The following IQCH variants were observed in gnomAD, a reference collection of about 807,000 sequenced individuals.
The protein encoded by IQCH is IQ domain-containing protein H.
A neutral mutation model predicts 117.0 loss-of-function variants in IQCH; 98 were observed. That is an observed-to-expected ratio of 0.84 (90% CI 0.71 to 0.99). The LOEUF (loss-of-function observed/expected upper bound fraction) is 0.99. Ranked by LOEUF, IQCH falls within the 50% of genes least tolerant of loss-of-function variation. IQCH has a pLI of 0.00. For missense variants in IQCH, 1,102 were observed against 1,243.8 expected (o/e 0.89, Z 1.72); for synonymous variants, 412 against 448.2 (o/e 0.92, Z 1.02).
In IQCH at chr15:67,261,344, G is replaced by T; in HGVS notation, c.124G>T (p.Asp42Tyr). The T allele has an allele frequency of 6.3e-7, 1 of 1,589,814 alleles. No homozygotes were observed. Among genetic ancestry groups the T allele is most frequent in the South Asian group, 1.2e-5 (1 of 86,786 alleles). Residue 42 changes from aspartate to tyrosine, a missense_variant, in exon 2 of 21, where the codon GAC (aspartate) becomes TAC (tyrosine). Physicochemically the swap from Asp to Tyr is radical, Grantham distance 160. This residue lies in a region of IQCH where 452 missense variants were observed against 449.6 expected (regional missense o/e 1.01). Transcript: ENST00000335894. ...FSPEEKGETL[D>Y]IQSLETAIKR... ...ACCTGAGGAAAAAGGAGAGACTCTA[G>T]ACATTCAGAGTCTTGAAACAGCAAT...
chr15:67,255,035 C>A, intron 1 of IQCH, 88 bp downstream of exon 1: 1 of 1,309,112 alleles, frequency 7.6e-7, no homozygotes, highest in South Asian at 1.2e-5. Context: ...GACGCTCACC[C>A]ATTTGGTGCG....
chr15:67,498,004 A>G (rs988067102), intron 20 of IQCH, among the ~76,000 whole-genome samples: 2 of 152,200 alleles, frequency 1.3e-5, no homozygotes, highest in Non-Finnish European at 2.9e-5. Flanking sequence ...AATTGACAAG[A>G]TGATCCTAAA....
intron 4 of IQCH, among the ~76,000 whole-genome samples, chr15:67,317,794 G>A (rs1967919583): frequency 6.9e-6 from 1 of 145,410 alleles, no homozygotes. Context: ...GAAGGATTCT[G>A]TAGAGAAGTG....
At position 67,436,117 on chromosome 15, in the gene IQCH, T is replaced by C. The variant is rs2082131098; in HGVS notation, c.2505+14540T>C. Among the ~76,000 whole-genome samples the C allele has an allele frequency of 6.6e-6, 1 of 152,146 alleles. No homozygotes were observed. The highest frequency in any genetic ancestry group is 1.5e-5 in the Non-Finnish European group (1 of 68,032). On this transcript the variant is annotated intron_variant, in intron 16 of 20. Transcript: ENST00000335894. This position sits in a 1 kb window ranked among gnomAD's most constrained non-coding sequence, Gnocchi z 5.1. The stretch of plus-strand genomic sequence containing the variant: ...CACTGGTTGCTTCTCTCATTGATCA[T>C]GTCCACAAGACTCTCCAGAACACAC...
At chr15:67,269,704 T>G (rs1345418241) in intron 3 of IQCH, among the ~76,000 whole-genome samples, 3 of 151,636 alleles carry the variant, frequency 2.0e-5, no homozygotes, top group Non-Finnish European at 2.9e-5. Flanking sequence ...ATCCACTTTT[T>G]TTTTTTTAGC....
intron 1 of IQCH, among the ~76,000 whole-genome samples, chr15:67,258,786 G>A (rs1965339554): frequency 1.3e-5 from 2 of 152,104 alleles, no homozygotes; most frequent in Non-Finnish European, 2.9e-5. Flanking sequence ...AAAACAAGGT[G>A]TTTGATGATC....
chr15:67,361,310 A>G lies in IQCH; in HGVS notation c.753+1425A>G, dbSNP rs531866622. On this transcript the variant is annotated intron_variant, in intron 8 of 20. Transcript: ENST00000335894. ...ATATACTGAGTGCTTACTCTTTGCC[A>G]GGCTCTGTTCCTAATGTCTTAAGTG... Among the ~76,000 whole-genome samples, 5 of 152,326 alleles carry G rather than the reference A, an allele frequency of 3.3e-5. No homozygotes were observed. The South Asian group carries it at 8.3e-4, about 25-fold the overall frequency.
intron 6 of IQCH, among the ~76,000 whole-genome samples, chr15:67,345,663 C>T (rs150282163): frequency 2.2e-4 from 33 of 152,256 alleles, no homozygotes; most frequent in South Asian, 6.2e-4. Flanking sequence ...AATACTGTCA[C>T]GGTCATGAAA....
rs554366827 is a variant in IQCH, at chr15:67,424,604, A to T, written c.2505+3027A>T. Among the ~76,000 whole-genome samples, 5 of 152,320 alleles carry T rather than the reference A, an allele frequency of 3.3e-5. No individual in the cohort carries two copies. Among genetic ancestry groups the T allele is most frequent in the Non-Finnish European group, 7.4e-5 (5 of 68,024 alleles). ...TAAATATTTGTTGACTGAATGAATG[A>T]ACAATGGAGGAGTTCTAGCAGATGC... On this transcript the variant is annotated intron_variant, in intron 16 of 20. Coordinates refer to ENST00000335894, the MANE Select transcript of IQCH (RefSeq NM_001031715.3). The surrounding 1 kb of genome is among the most constrained non-coding windows in gnomAD (Gnocchi z 4.9).
chr15:67,442,863 GATAT>G (rs1249237154), intron 16 of IQCH, among the ~76,000 whole-genome samples: 2 of 115,936 alleles, frequency 1.7e-5, no homozygotes, highest in Non-Finnish European at 3.6e-5. Flanking sequence ...TAGATAGATA[GATAT>G]ACATATATAT....
Position 67,493,420 on chromosome 15 carries a change from G to A in IQCH, c.2862-838G>A, listed in dbSNP as rs543532943. ...ACAGGATAGTTTGCAAGCTATCTCC[G>A]AAATCTTAAAGTGGATGTTCAGGTT... is the stretch of plus-strand genomic sequence containing the variant. On this transcript the variant is annotated intron_variant, in intron 19 of 20. Transcript: ENST00000335894. The surrounding 1 kb of genome is among the most constrained non-coding windows in gnomAD (Gnocchi z 5.1). 1.6e-4 allele frequency among the ~76,000 whole-genome samples: 25 copies of A among 152,230 alleles called. No homozygotes were observed. Among genetic ancestry groups the A allele is most frequent in the African/African-American group, 5.5e-4 (23 of 41,552 alleles).
Position 67,472,963 on chromosome 15 carries a change from AC to A in IQCH, c.2677-2732del, listed in dbSNP as rs1378772517. Among the ~76,000 whole-genome samples the A allele has an allele frequency of 6.6e-6, 1 of 152,202 alleles. No homozygotes were observed. Among genetic ancestry groups the A allele is most frequent in the African/African-American group, 2.4e-5 (1 of 41,448 alleles). ...CTTACATGTTGTCTAGTAATCATGT[AC>A]TACTGGACAGTAAGCTCTTCTGCTG... On this transcript the variant is annotated intron_variant, in intron 17 of 20. Coordinates refer to ENST00000335894, the MANE Select transcript of IQCH (RefSeq NM_001031715.3). The surrounding 1 kb of genome is among the most constrained non-coding windows in gnomAD (Gnocchi z 4.3).
chr15:67,320,116 A>G (rs1186836313), intron 4 of IQCH, among the ~76,000 whole-genome samples: 1 of 152,240 alleles, frequency 6.6e-6, no homozygotes, highest in African/African-American at 2.4e-5. Flanking sequence ...GGAGTCATTG[A>G]AGTAAAAGTC....
In IQCH at chr15:67,401,407, A is replaced by G. The variant is rs974999539; in HGVS notation, c.2097+1102A>G. Among the ~76,000 whole-genome samples the G allele has an allele frequency of 6.6e-6, 1 of 152,254 alleles. No individual in the cohort carries two copies. The highest frequency in any genetic ancestry group is 1.5e-5 in the Non-Finnish European group (1 of 68,050). ...TTTTGGCTGACCTGCTGGTTAAAGCATAACCGATTAGGAAAATCACAATGC... is the reference window on the plus strand; with the variant it reads ...TTTTGGCTGACCTGCTGGTTAAAGCGTAACCGATTAGGAAAATCACAATGC... On this transcript the variant is annotated intron_variant, in intron 14 of 20. Transcript: ENST00000335894. The surrounding 1 kb of genome is among the most constrained non-coding windows in gnomAD (Gnocchi z 4.7).
chr15:67,412,074 T>C (rs2081464427), intron 14 of IQCH, among the ~76,000 whole-genome samples: 1 of 152,202 alleles, frequency 6.6e-6, no homozygotes, highest in African/African-American at 2.4e-5. Flanking sequence ...CTGAAGTTTC[T>C]TCTGATGGGA....
chr15:67,465,432 G>A lies in IQCH; in HGVS notation c.2676+135G>A. 2.3e-6 allele frequency: 2 copies of A among 852,054 alleles called. No individual in the cohort carries two copies. Among genetic ancestry groups the A allele is most frequent in the Non-Finnish European group, 3.6e-6 (2 of 559,608 alleles). The allele number at this position is 852,054 out of a possible 1,614,324, so 52.8% of individuals were successfully genotyped here. On this transcript the variant is annotated intron_variant, in intron 17 of 20. Transcript: ENST00000335894. The surrounding 1 kb of genome is among the most constrained non-coding windows in gnomAD (Gnocchi z 5.9). ...CTAAGGCAAGTCATTGGACTTGTCTGAGCAGGGTCTGGAAATGCGAATGTG... is the reference window on the plus strand; with the variant it reads ...CTAAGGCAAGTCATTGGACTTGTCTAAGCAGGGTCTGGAAATGCGAATGTG...
At chr15:67,389,174 A>C (rs1024396499) in intron 12 of IQCH, among the ~76,000 whole-genome samples, 168 bp downstream of exon 12, 1 of 152,244 alleles carries the variant, frequency 6.6e-6, no homozygotes, top group Non-Finnish European at 1.5e-5. Context: ...ATTCCAGTTT[A>C]ACTTTCAGAC....
intron 4 of IQCH, among the ~76,000 whole-genome samples, chr15:67,334,530 TA>T (rs1968808018): frequency 6.6e-6 from 1 of 152,234 alleles, no homozygotes. Flanking sequence ...GTGCTTTATT[TA>T]AGATGCAATT....
chr15:67,444,399 CA>C (rs1192574878), intron 16 of IQCH, among the ~76,000 whole-genome samples: 1 of 152,160 alleles, frequency 6.6e-6, no homozygotes, highest in African/African-American at 2.4e-5. Flanking sequence ...ACATTGAAAA[CA>C]GACACCACAA....
Sources: allele counts gnomAD v4.1 joint callset (sites outside exome capture counted in the v4.1 genomes callset), GRCh38; gene constraint gnomAD v4.1.1; regional missense constraint gnomAD v4.1.1; non-coding constraint Gnocchi (gnomAD v3.1); transcripts MANE v1.5; gene names NCBI Gene and HGNC (gene_info 2026-07-23, HGNC 2026-07-21).